PCDHGB3: variants seen among roughly 807,000 people sequenced by gnomAD.
PCDHGB3 encodes protocadherin gamma-B3.
PCDHGB3 carries 40 observed loss-of-function variants against 59.2 expected under a neutral mutation model. The ratio of observed to expected loss-of-function variants is 0.68; its 90% confidence interval spans 0.52 to 0.88. PCDHGB3 has a LOEUF of 0.88. Ranked by LOEUF, PCDHGB3 falls within the 40% of genes least tolerant of loss-of-function variation. The probability of loss-of-function intolerance (pLI) is 0.00; values close to 1 mark genes in which losing one functional copy is unlikely to be tolerated. For missense variants in PCDHGB3, 1,309 were observed against 1,187.9 expected, an observed-to-expected ratio of 1.10 and a Z score of -1.50; for synonymous variants, 581 against 503.6, an observed-to-expected ratio of 1.15 and a Z score of -2.06.
intron 3 of PCDHGB3, among the ~76,000 whole-genome samples, chr5:141,506,402 G>A (rs1032556978): frequency 2.8e-5 from 4 of 143,790 alleles, no homozygotes; most frequent in East Asian, 2.0e-4. Flanking sequence ...GCAGAAAATC[G>A]CACCACTGCA....
rs1305419943 is a variant in PCDHGB3, at chr5:141,438,625, T to C, written c.2416-56182T>C. Among the ~76,000 whole-genome samples the C allele has an allele frequency of 9.7e-4, 45 of 46,410 alleles. 2 individuals are homozygous for C. Among genetic ancestry groups the C allele is most frequent in the Admixed American group, 2.2e-3 (7 of 3,192 alleles). The allele number at this position is 46,410 out of a possible 152,430, so 30.4% of individuals were successfully genotyped here. On this transcript the variant is annotated intron_variant, in intron 1 of 3. Coordinates refer to ENST00000576222, the MANE Select transcript of PCDHGB3 (RefSeq NM_018924.5). The stretch of plus-strand genomic sequence containing the variant: ...ATATATATATATATATATATATATA[T>C]ATATATATATACACACACACACACA...
At chr5:141,404,198 T>G in intron 1 of PCDHGB3, 1 of 1,613,554 alleles carries the variant, frequency 6.2e-7, no homozygotes, top group Non-Finnish European at 8.5e-7. Flanking sequence ...AGAAAAAGCC[T>G]CAGAATATAA....
chr5:141,415,189 A>T (rs575244490), intron 1 of PCDHGB3: 2 of 1,613,840 alleles, frequency 1.2e-6, no homozygotes, highest in Non-Finnish European at 1.7e-6. Context: ...GGCCGACAGC[A>T]TCCCCCAAGT....
At chr5:141,500,876 A>G (rs909126749) in intron 2 of PCDHGB3, among the ~76,000 whole-genome samples, 1 of 124,952 alleles carries the variant, frequency 8.0e-6, no homozygotes, top group African/African-American at 3.5e-5. Flanking sequence ...ATTCATTTAC[A>G]ATTTTTTTTT....
At chr5:141,416,674 G>A (rs547618174) in intron 1 of PCDHGB3, 1 of 152,250 alleles carries the variant, frequency 6.6e-6, no homozygotes, top group South Asian at 2.1e-4. Flanking sequence ...TATATGCAAC[G>A]AAGGGAAATT....
chr5:141,486,399 C>G lies in PCDHGB3; in HGVS notation c.2416-8408C>G. On this transcript the variant is annotated intron_variant, in intron 1 of 3. Transcript: ENST00000576222. The surrounding 1 kb of genome is among the most constrained non-coding windows in gnomAD (Gnocchi z 5.0). ...TTCAGGAACCAGTTCTCCCTGGTGA[C>G]TGCTGGACCCTTGGATCGAGAGGCC... The G allele has an allele frequency of 6.2e-7, 1 of 1,614,188 alleles. No individual in the cohort carries two copies. The highest frequency in any genetic ancestry group is 1.1e-5 in the South Asian group (1 of 91,090).
In PCDHGB3 at chr5:141,486,336, G is replaced by A. The variant is rs534793835; in HGVS notation, c.2416-8471G>A. 3.8e-5 allele frequency: 61 copies of A among 1,613,992 alleles called. No individual in the cohort carries two copies. In the African/African-American group the frequency reaches 4.3e-4, roughly 11 times the overall value. On this transcript the variant is annotated intron_variant, in intron 1 of 3. Coordinates refer to ENST00000576222, the MANE Select transcript of PCDHGB3 (RefSeq NM_018924.5). The surrounding 1 kb of genome is among the most constrained non-coding windows in gnomAD (Gnocchi z 5.0). The stretch of plus-strand genomic sequence containing the variant: ...GGGTCAAACGGAGATGTGAGCCTCC[G>A]CATTCCTGACCACTTGCCATTTGCC...
At chr5:141,495,089 C>G (rs1440289878) in intron 2 of PCDHGB3, among the ~76,000 whole-genome samples, 2 of 152,284 alleles carry the variant, frequency 1.3e-5, no homozygotes, top group East Asian at 3.9e-4. Flanking sequence ...TGCCCCTTCC[C>G]TCCTCGCCAC....
At chr5:141,444,119 T>G (rs1236466434) in intron 1 of PCDHGB3, among the ~76,000 whole-genome samples, 4 of 146,736 alleles carry the variant, frequency 2.7e-5, no homozygotes, top group African/African-American at 1.0e-4. Context: ...AAGTGAAGTA[T>G]CTCAACAGAT....
At chr5:141,413,562 T>C in intron 1 of PCDHGB3, 1 of 1,613,850 alleles carries the variant, frequency 6.2e-7, no homozygotes, top group Non-Finnish European at 8.5e-7. Context: ...AAGTAACTGA[T>C]ATCAATGACA....
intron 1 of PCDHGB3, chr5:141,409,395 C>T: frequency 6.2e-7 from 1 of 1,614,030 alleles, no homozygotes; most frequent in South Asian, 1.1e-5. Flanking sequence ...TATTCTTCTT[C>T]CAATAACTAC....
rs535152193 is a variant in PCDHGB3, at chr5:141,422,906, C to G, written c.2415+50097C>G. ...TTCGTGCTGGACCAGAACGACAATG[C>G]GCCCGAGATCCTGTACCCTGCCCTC... On this transcript the variant is annotated intron_variant, in intron 1 of 3. Transcript: ENST00000576222. 6 of 1,614,264 alleles carry G rather than the reference C, an allele frequency of 3.7e-6. No homozygotes were observed. The South Asian group carries it at 6.6e-5, about 18-fold the overall frequency.
intron 1 of PCDHGB3, chr5:141,413,734 C>A: frequency 6.2e-7 from 1 of 1,613,422 alleles, no homozygotes; most frequent in Non-Finnish European, 8.5e-7. Context: ...CCTAAGAGTT[C>A]AGAGCCGTGC....
chr5:141,431,049 T>C lies in PCDHGB3; in HGVS notation c.2415+58240T>C, dbSNP rs1226000576. On this transcript the variant is annotated intron_variant, in intron 1 of 3. Coordinates refer to ENST00000576222, the MANE Select transcript of PCDHGB3 (RefSeq NM_018924.5). The surrounding 1 kb of genome is among the most constrained non-coding windows in gnomAD (Gnocchi z 4.8). Reference sequence around the variant, plus strand: ...AGGATAGACCGGGAGGAGCTCTGTATGGGGGCCATCAAGTGTCAATTAAAT... The same window carrying C: ...AGGATAGACCGGGAGGAGCTCTGTACGGGGGCCATCAAGTGTCAATTAAAT... The C allele has an allele frequency of 6.2e-7, 1 of 1,614,162 alleles. No homozygotes were observed. Among genetic ancestry groups the C allele is most frequent in the Non-Finnish European group, 8.5e-7 (1 of 1,180,014 alleles).
chr5:141,428,037 C>T, intron 1 of PCDHGB3: 1 of 1,608,458 alleles, frequency 6.2e-7, no homozygotes, highest in South Asian at 1.1e-5. Context: ...GTCCGGCTAC[C>T]TGGTGACCAA....
At chr5:141,408,329 A>C (rs2095085203) in intron 1 of PCDHGB3, 1 of 1,613,580 alleles carries the variant, frequency 6.2e-7, no homozygotes, top group Non-Finnish European at 8.5e-7. Context: ...GGAGCTGGCC[A>C]AGGGCTCGGT....
In PCDHGB3 at chr5:141,431,777, G is replaced by T. The variant is rs151011884; in HGVS notation, c.2415+58968G>T. 5,401 of 1,614,186 alleles carry T rather than the reference G, an allele frequency of 3.3e-3. 6 individuals are homozygous for T. Among genetic ancestry groups the T allele is most frequent in the Non-Finnish European group, 4.2e-3 (4,899 of 1,180,002 alleles). On this transcript the variant is annotated intron_variant, in intron 1 of 3. Coordinates refer to ENST00000576222, the MANE Select transcript of PCDHGB3 (RefSeq NM_018924.5). The surrounding 1 kb of genome is among the most constrained non-coding windows in gnomAD (Gnocchi z 4.8). ...CAAAGTCCTGATCACTGTTCTGGAC[G>T]TGAACGACAATGCCCCAGAAGTGGT...
chr5:141,510,893 G>C (rs1334514746), intron 3 of PCDHGB3, 54 bp from the exon 4 acceptor site: 1 of 1,612,722 alleles, frequency 6.2e-7, no homozygotes, highest in African/African-American at 1.3e-5. Context: ...ATAAGACAGT[G>C]ACTGTTGAGG....
chr5:141,487,386 G>C lies in PCDHGB3; in HGVS notation c.2416-7421G>C. On this transcript the variant is annotated intron_variant, in intron 1 of 3. Coordinates refer to ENST00000576222, the MANE Select transcript of PCDHGB3 (RefSeq NM_018924.5). The surrounding 1 kb of genome is among the most constrained non-coding windows in gnomAD (Gnocchi z 5.0). Reference sequence around the variant, plus strand: ...ACCTGTGCCTGTCTCACCAGATCTCGAAGGAGGGAGGGGCTTCCCCCTTCC... The same window carrying C: ...ACCTGTGCCTGTCTCACCAGATCTCCAAGGAGGGAGGGGCTTCCCCCTTCC... The C allele has an allele frequency of 1.2e-6, 2 of 1,614,164 alleles. No homozygotes were observed. Among genetic ancestry groups the C allele is most frequent in the South Asian group, 1.1e-5 (1 of 91,084 alleles).
Sources: gnomAD v4.1 joint callset for allele counts (sites outside exome capture counted in the v4.1 genomes callset) on GRCh38, gnomAD v4.1.1 for gene constraint, Gnocchi (gnomAD v3.1) non-coding constraint, MANE v1.5 for transcripts, NCBI Gene and HGNC (gene_info 2026-07-23, HGNC 2026-07-21) for gene names.